Variants in PARD3 observed in about 807,000 individuals in gnomAD.
PARD3 encodes partitioning defective 3 homolog.
Under a neutral mutation model 155.4 loss-of-function variants are expected in PARD3, and 75 were observed. The ratio of observed to expected loss-of-function variants is 0.48; its 90% CI spans 0.40 to 0.58. The LOEUF (loss-of-function observed/expected upper bound fraction) is 0.58. Ranked by LOEUF, PARD3 falls within the 20% of genes least tolerant of loss-of-function variation. The pLI, the probability that PARD3 is intolerant of heterozygous loss-of-function variation, is 0.00. For missense variants in PARD3, 1,642 were observed against 1,721.7 expected, an observed-to-expected ratio of 0.95 and a Z score of 0.82; for synonymous variants, 576 against 610.5, an observed-to-expected ratio of 0.94 and a Z score of 0.83.
intron 19 of PARD3, among the ~76,000 whole-genome samples, chr10:34,319,346 A>G (rs941943593): frequency 3.3e-5 from 5 of 152,126 alleles, no homozygotes; most frequent in Non-Finnish European, 5.9e-5. Flanking sequence ...CTCTCCTCCC[A>G]AAGTGCTGGG....
chr10:34,733,574 C>A (rs2094856049), intron 1 of PARD3, among the ~76,000 whole-genome samples: 1 of 152,218 alleles, frequency 6.6e-6, no homozygotes, highest in Middle Eastern at 3.2e-3. Flanking sequence ...AACTCCTCCT[C>A]CCGGGCTCAA....
intron 5 of PARD3, among the ~76,000 whole-genome samples, chr10:34,422,683 T>A (rs1198570632): frequency 2.0e-5 from 3 of 152,024 alleles, no homozygotes; most frequent in South Asian, 2.1e-4. Flanking sequence ...ATATGAAAAA[T>A]GCTTAAGATT....
chr10:34,484,879 C>G (rs566123995), intron 3 of PARD3, among the ~76,000 whole-genome samples: 4 of 152,336 alleles, frequency 2.6e-5, no homozygotes, highest in African/African-American at 9.6e-5. Flanking sequence ...CCTCCACAAG[C>G]TCCTTTCGTG....
intron 22 of PARD3, among the ~76,000 whole-genome samples, chr10:34,203,937 G>A (rs1951339523): frequency 6.6e-6 from 1 of 152,208 alleles, no homozygotes; most frequent in Admixed American, 6.5e-5. Context: ...TTTCAAAGAA[G>A]GTTCTAAATG....
At chr10:34,756,151 T>A (rs7893482) in intron 1 of PARD3, among the ~76,000 whole-genome samples, 4 of 15,620 alleles carry the variant, frequency 2.6e-4, no homozygotes, top group African/African-American at 6.9e-4. Context: ...AAAATGCACC[T>A]TTTTTTTTTT....
At chr10:34,653,021 A>G (rs1590420676) in intron 2 of PARD3, among the ~76,000 whole-genome samples, 2 of 152,210 alleles carry the variant, frequency 1.3e-5, no homozygotes, top group Non-Finnish European at 2.9e-5. Flanking sequence ...CAGACTCGCA[A>G]AAAACAACAA....
intron 14 of PARD3, among the ~76,000 whole-genome samples, chr10:34,351,164 G>T (rs186906524): frequency 6.6e-6 from 1 of 152,258 alleles, no homozygotes; most frequent in South Asian, 2.1e-4. Context: ...TGAAAAGTTC[G>T]TATTGGAATG....
intron 11 of PARD3, among the ~76,000 whole-genome samples, chr10:34,372,853 T>C (rs1840829378): frequency 6.6e-6 from 1 of 152,118 alleles, no homozygotes; most frequent in Non-Finnish European, 1.5e-5. Context: ...GTTTCTAATT[T>C]TGCTTTAAAA....
chr10:34,788,642 GT>G (rs1386946533), intron 1 of PARD3, among the ~76,000 whole-genome samples: 1 of 152,108 alleles, frequency 6.6e-6, no homozygotes, highest in African/African-American at 2.4e-5. Flanking sequence ...TAGAGACAAG[GT>G]TTCACCATGT....
chr10:34,109,734 G>A lies in PARD3; in HGVS notation c.*1435C>T, dbSNP rs1056284860. The stretch of plus-strand genomic sequence containing the variant: ...GATTAAGAAACAGAACCATGACACA[G>A]AAATGCAGAAGAGACACGGGTACGT... On this transcript the variant is annotated 3_prime_UTR_variant, in exon 25 of 25. Transcript: ENST00000374788. 1 of 151,924 alleles carries A rather than the reference G, an allele frequency of 6.6e-6. No individual in the cohort carries two copies. Among genetic ancestry groups the A allele is most frequent in the Non-Finnish European group, 1.5e-5 (1 of 68,008 alleles). The allele number at this position is 151,924 out of a possible 1,614,324, so 9.4% of individuals were successfully genotyped here. A position where few individuals can be genotyped will look rare whatever the true frequency, so the allele number is the denominator to read the frequency against.
chr10:34,799,223 G>A (rs898856577), intron 1 of PARD3, among the ~76,000 whole-genome samples: 17 of 152,210 alleles, frequency 1.1e-4, no homozygotes, highest in African/African-American at 4.1e-4. Context: ...TGTATTTTTA[G>A]TAGAGATGGG....
intron 22 of PARD3, among the ~76,000 whole-genome samples, chr10:34,192,020 C>T (rs1256766981): frequency 6.6e-6 from 1 of 151,826 alleles, no homozygotes; most frequent in Non-Finnish European, 1.5e-5. Flanking sequence ...AAGTGGAGGT[C>T]AGTGGAACAC....
intron 2 of PARD3, among the ~76,000 whole-genome samples, chr10:34,552,569 C>G (rs557418959): frequency 6.6e-6 from 1 of 152,166 alleles, no homozygotes; most frequent in Non-Finnish European, 1.5e-5. Flanking sequence ...GAAAAATTAG[C>G]CAGGCATGGC....
chr10:34,446,254 C>T (rs2076734158), intron 5 of PARD3, among the ~76,000 whole-genome samples: 1 of 152,154 alleles, frequency 6.6e-6, no homozygotes, highest in Non-Finnish European at 1.5e-5. Flanking sequence ...ACAGAGTTAA[C>T]TCCCACATAT....
At chr10:34,359,943 A>T in intron 13 of PARD3, 128 bp downstream of exon 13, 1 of 683,836 alleles carries the variant, frequency 1.5e-6, no homozygotes, top group Non-Finnish European at 2.5e-6. Flanking sequence ...CTAGTTGTTT[A>T]AATGTGAATG....
At chr10:34,323,784 A>G (rs1350805601) in intron 19 of PARD3, among the ~76,000 whole-genome samples, 1 of 152,232 alleles carries the variant, frequency 6.6e-6, no homozygotes, top group East Asian at 1.9e-4. Flanking sequence ...ACAATGTTGC[A>G]GAGCAGGCAC....
intron 1 of PARD3, among the ~76,000 whole-genome samples, chr10:34,799,225 A>G (rs1038642298): frequency 1.3e-5 from 2 of 152,110 alleles, no homozygotes; most frequent in Admixed American, 6.5e-5. Context: ...TATTTTTAGT[A>G]GAGATGGGGT....
At chr10:34,494,974 C>T (rs533830387) in intron 3 of PARD3, among the ~76,000 whole-genome samples, 2 of 152,234 alleles carry the variant, frequency 1.3e-5, no homozygotes, top group South Asian at 2.1e-4. Context: ...AGACATTCCA[C>T]ACTAGGAAAA....
At chr10:34,348,143 GA>G in intron 14 of PARD3, 28 bp from the exon 15 acceptor site, 1 of 1,569,860 alleles carries the variant, frequency 6.4e-7, no homozygotes. Flanking sequence ...TGGGGGCAAA[GA>G]AAAATCAGTA....
Sources: allele counts gnomAD v4.1 joint callset (sites outside exome capture counted in the v4.1 genomes callset), GRCh38; gene constraint gnomAD v4.1.1; transcripts MANE v1.5; gene names NCBI Gene and HGNC (gene_info 2026-07-23, HGNC 2026-07-21).